Variants in SYNE1 observed in about 807,000 individuals in gnomAD.
SYNE1 encodes the protein spectrin repeat containing nuclear envelope protein 1.
In SYNE1, 616 loss-of-function variants were observed where a neutral mutation model predicts 1,111.0. The observed-to-expected ratio is 0.55, with a 90% CI of 0.52 to 0.59. The LOEUF is 0.59. Among genes scored for constraint, SYNE1 ranks in the 20% least tolerant of loss-of-function variants. The pLI is 0.00. For synonymous variants in SYNE1, 3,855 were observed against 3,825.8 expected (o/e 1.01, Z -0.28); for missense variants, 10,006 against 10,417.0 (o/e 0.96, Z 1.72).
intron 3 of SYNE1, among the ~76,000 whole-genome samples, chr6:152,580,058 A>T (rs1266055251): frequency 6.6e-6 from 1 of 152,174 alleles, no homozygotes; most frequent in African/African-American, 2.4e-5. Flanking sequence ...TCAAATGGTA[A>T]TTCTGCTTTA....
chr6:152,325,371 A>G lies in SYNE1; in HGVS notation c.15439-69T>C, dbSNP rs2096033229. The G allele has an allele frequency of 6.5e-6, 10 of 1,538,346 alleles. 1 individual carries two copies. In the South Asian group the frequency reaches 7.9e-5, roughly 12 times the overall value. On this transcript the variant is annotated intron_variant, in intron 80 of 145. Coordinates refer to ENST00000367255, the MANE Select transcript of SYNE1 (RefSeq NM_182961.4). ...GATCAATTTAATTTTATAAAGTTCT[A>G]TGGATCTTGGTAAAGCCCAAAATTC...
At chr6:152,417,098 G>C (rs1209006953) in intron 40 of SYNE1, 83 bp from the exon 41 acceptor site, 16 of 1,586,926 alleles carry the variant, frequency 1.0e-5, no homozygotes, top group Non-Finnish European at 1.4e-5. Context: ...GTGATGTGAA[G>C]ATCTATTTTA....
chr6:152,377,409 A>G (rs912569930), intron 56 of SYNE1, among the ~76,000 whole-genome samples: 17 of 151,376 alleles, frequency 1.1e-4, no homozygotes, highest in African/African-American at 2.9e-4. Flanking sequence ...CAGGAGTTCG[A>G]GACCAGCCTG....
At position 152,493,128 on chromosome 6, in the gene SYNE1, C is replaced by T. The variant is rs1183056366; in HGVS notation, c.940-4625G>A. Among the ~76,000 whole-genome samples, 5 of 152,178 alleles carry T rather than the reference C, an allele frequency of 3.3e-5. No individual in the cohort carries two copies. The East Asian group carries it at 9.7e-4, about 30-fold the overall frequency. On this transcript the variant is annotated intron_variant, in intron 11 of 145. Transcript: ENST00000367255. ...AGTATGAGACAACTCTACTCCCTCC[C>T]TAGCAATTGACCACATGCCCATTAC...
In SYNE1 at chr6:152,380,023, T is replaced by A. The variant is rs75582352; in HGVS notation, c.9009+983A>T. Among the ~76,000 whole-genome samples, 13 of 152,302 alleles carry A rather than the reference T, an allele frequency of 8.5e-5. No homozygotes were observed. The East Asian group carries it at 2.5e-3, about 29-fold the overall frequency. ...CTGTGACAGAACTGATTTCTATGCT[T>A]TATTCTGGTACATAAATCTAAAGGA... On this transcript the variant is annotated intron_variant, in intron 56 of 145. Coordinates refer to ENST00000367255, the MANE Select transcript of SYNE1 (RefSeq NM_182961.4).
chr6:152,278,245 A>C lies in SYNE1; in HGVS notation c.18417T>G (p.Ala6139=). 2 of 1,614,166 alleles carry C rather than the reference A, an allele frequency of 1.2e-6. No individual in the cohort carries two copies. The highest frequency in any genetic ancestry group is 1.7e-6 in the Non-Finnish European group (2 of 1,180,042). Residue 6139 remains alanine, a synonymous_variant, in exon 98 of 146, where the codon GCT becomes GCG. Coordinates refer to ENST00000367255, the MANE Select transcript of SYNE1 (RefSeq NM_182961.4). The part of the protein sequence containing the change: ...MLVEIEQKVV[A]LSELSVHNEN... ...CATTGTGGACTGACAGTTCTGATAA[A>C]GCCACCACCTTCTGCTCTATTTCCA...
Position 152,427,615 on chromosome 6 carries a change from T to C in SYNE1, c.5100+78A>G, listed in dbSNP as rs181737745. 2.3e-4 allele frequency: 356 copies of C among 1,533,614 alleles called. No homozygotes were observed. In the African/African-American group the frequency reaches 3.0e-3, roughly 13 times the overall value. On this transcript the variant is annotated intron_variant, in intron 38 of 145. Transcript: ENST00000367255. Reference sequence around the variant, plus strand: ...AGCAAGAAGGGAGGTACAAGTTTATTTATTTTATTATTTTAAATAATGTAA... The same window carrying C: ...AGCAAGAAGGGAGGTACAAGTTTATCTATTTTATTATTTTAAATAATGTAA...
intron 3 of SYNE1, among the ~76,000 whole-genome samples, chr6:152,579,517 C>G (rs1000746383): frequency 6.6e-5 from 10 of 151,752 alleles, no homozygotes; most frequent in Middle Eastern, 3.2e-3. Context: ...ACTTTTTTTT[C>G]TTTCCAACTT....
At chr6:152,301,727 A>C in intron 92 of SYNE1, 142 bp downstream of exon 92, 1 of 898,638 alleles carries the variant, frequency 1.1e-6, no homozygotes, top group Non-Finnish European at 1.6e-6. Context: ...CGGTAGTCAA[A>C]GAGACTTAAG....
chr6:152,624,160 T>A (rs1369095192), intron 3 of SYNE1, among the ~76,000 whole-genome samples: 1 of 152,140 alleles, frequency 6.6e-6, no homozygotes, highest in Non-Finnish European at 1.5e-5. Flanking sequence ...AAATTTGTCC[T>A]TGCAGTGAAT....
At position 152,629,548 on chromosome 6, in the gene SYNE1, GAGGA is replaced by G. The variant is rs1157313173; in HGVS notation, c.-223-998_-223-995del. On this transcript the variant is annotated intron_variant, in intron 2 of 145. Transcript: ENST00000367255. ...GGGGGGGGGGGGGGGAGGGGGAGGG[GAGGA>G]GGGGGTGCAGTGGGCTTTGGGAAGA... 3.6e-3 allele frequency among the ~76,000 whole-genome samples: 288 copies of G among 79,580 alleles called. 1 individual carries two copies. The highest frequency in any genetic ancestry group is 0.012 in the Middle Eastern group (2 of 172). 52.2% of individuals were successfully genotyped at this position (79,580 alleles called of 152,430 possible).
chr6:152,450,524 G>A (rs2098638919), intron 27 of SYNE1, 101 bp downstream of exon 27: 2 of 1,119,482 alleles, frequency 1.8e-6, no homozygotes, highest in Admixed American at 3.4e-5. Flanking sequence ...GAGAACATGA[G>A]CAAGAAATAT....
At chr6:152,616,869 G>C (rs978627026) in intron 3 of SYNE1, among the ~76,000 whole-genome samples, 3 of 152,118 alleles carry the variant, frequency 2.0e-5, no homozygotes, top group African/African-American at 7.2e-5. Context: ...GCACTCTGAT[G>C]GGCCCTGCAC....
chr6:152,556,040 A>T lies in SYNE1; in HGVS notation c.68-16019T>A, dbSNP rs575661734. 3.9e-5 allele frequency among the ~76,000 whole-genome samples: 6 copies of T among 152,316 alleles called. 1 individual carries two copies. The highest frequency in any genetic ancestry group is 1.4e-4 in the African/African-American group (6 of 41,556). ...CTTATATGTAAACATAGTGAAAAAG[A>T]GGTAAAATTCTGAGGCACCCTCACA... On this transcript the variant is annotated intron_variant, in intron 3 of 145. Coordinates refer to ENST00000367255, the MANE Select transcript of SYNE1 (RefSeq NM_182961.4).
Position 152,133,320 on chromosome 6 carries a change from T to C in SYNE1, c.25957A>G (p.Ile8653Val). The stretch of plus-strand genomic sequence containing the variant: ...TCTAATAACTTCTCCAGTTCCTTGA[T>C]ATGACGACTGACCTCCTTCAAGAGA... Reference protein sequence around the residue: ...KLLLKEVSRHIKELEKLLDVS... With the variant: ...KLLLKEVSRHVKELEKLLDVS... Residue 8653 changes from isoleucine (I) to valine (V), a missense_variant, in exon 143 of 146, where the codon ATC becomes GTC. Around this residue, in one of 7 missense-constraint regions of SYNE1, gnomAD observed 761 missense variants for 795.5 expected, o/e 0.96. Coordinates refer to ENST00000367255, the MANE Select transcript of SYNE1 (RefSeq NM_182961.4). The C allele has an allele frequency of 6.2e-7, 1 of 1,614,228 alleles. No homozygotes were observed. The highest frequency in any genetic ancestry group is 8.5e-7 in the Non-Finnish European group (1 of 1,180,028).
At position 152,509,932 on chromosome 6, in the gene SYNE1, C is replaced by T. The variant is rs2623971; in HGVS notation, c.581+261G>A. On this transcript the variant is annotated intron_variant, in intron 8 of 145. Transcript: ENST00000367255. ...AAATAGAATTATCCCTCATGCTACTCAAAGTTTAGGATTAGTCAGTTTAAT... is the reference window on the plus strand; with the variant it reads ...AAATAGAATTATCCCTCATGCTACTTAAAGTTTAGGATTAGTCAGTTTAAT... Among the ~76,000 whole-genome samples, 29,784 of 152,004 alleles carry T rather than the reference C, an allele frequency of 0.2. 3,088 individuals are homozygous for T. Among genetic ancestry groups the T allele is most frequent in the Middle Eastern group, 0.31 (91 of 292 alleles).
chr6:152,528,486 T>A (rs2099176489), intron 4 of SYNE1, among the ~76,000 whole-genome samples: 2 of 152,212 alleles, frequency 1.3e-5, no homozygotes, highest in Non-Finnish European at 2.9e-5. Context: ...CTACCTCACA[T>A]TTAATTTTTG....
chr6:152,153,503 G>A (rs1402569543), intron 133 of SYNE1, among the ~76,000 whole-genome samples: 2 of 152,116 alleles, frequency 1.3e-5, no homozygotes, highest in African/African-American at 4.8e-5. Context: ...CTAACTATAA[G>A]GCTAACTTTT....
At chr6:152,359,538 A>G in intron 64 of SYNE1, 80 bp from the exon 65 acceptor site, 1 of 1,576,450 alleles carries the variant, frequency 6.3e-7, no homozygotes, top group Non-Finnish European at 8.7e-7. Context: ...AGATATTTTA[A>G]TTGTACAGTT....
Sources: gnomAD v4.1 joint callset for allele counts (sites outside exome capture counted in the v4.1 genomes callset) on GRCh38, gnomAD v4.1.1 for gene constraint, gnomAD v4.1.1 regional missense constraint, MANE v1.5 for transcripts, NCBI Gene and HGNC (gene_info 2026-07-23, HGNC 2026-07-21) for gene names.